The following WDR44 variants were observed in gnomAD, a reference collection of about 807,000 sequenced individuals.
The protein encoded by WDR44 is WD repeat-containing protein 44.
WDR44 carries 9 observed loss-of-function variants against 65.7 expected under a neutral mutation model. The observed-to-expected ratio is 0.14, with a 90% CI of 0.08 to 0.24. WDR44 has a LOEUF of 0.24. WDR44 is among the 10% of genes least tolerant of loss of function. WDR44 has a pLI of 1.00. For missense variants in WDR44, 425 were observed against 670.9 expected (o/e 0.63, Z 4.05); for synonymous variants, 220 against 235.2 (o/e 0.94, Z 0.59).
chrX:118,442,597 A>G lies in WDR44; in HGVS notation c.2301A>G (p.Arg767=). Residue 767 remains arginine, a synonymous_variant, in exon 17 of 20, where the codon AGA becomes AGG. Transcript: ENST00000254029. ...TAACCTCAAATGACTCCAGAATCAG[A>G]CTATATGATTTGAGAGATTTGTCAC... ...ILVTSNDSRI[R]LYDLRDLSLS... is the part of the protein sequence containing the mutation. The G allele has an allele frequency of 8.3e-7, 1 of 1,211,101 alleles. No homozygotes were observed. The highest frequency in any genetic ancestry group is 1.1e-6 in the Non-Finnish European group (1 of 894,999).
In WDR44 at chrX:118,436,983, G is replaced by C. The variant is rs187968491; in HGVS notation, c.1974+159G>C. On this transcript the variant is annotated intron_variant, in intron 14 of 19. Transcript: ENST00000254029. ...TTCATTTTGCTTTAGAAATGAGAAA[G>C]GAAATATTCTGCTGATCTGCATTAG... Among the ~76,000 whole-genome samples the C allele has an allele frequency of 2.9e-3, 280 of 96,331 alleles. 2 individuals carry two copies. Among genetic ancestry groups the C allele is most frequent in the African/African-American group, 0.011 (271 of 23,847 alleles). 83.7% of individuals were successfully genotyped at this position (96,331 alleles called of 115,157 possible).
intron 2 of WDR44, among the ~76,000 whole-genome samples, chrX:118,380,753 G>T (rs765575829): frequency 1.8e-5 from 2 of 111,966 alleles, no homozygotes; most frequent in African/African-American, 3.2e-5. Flanking sequence ...TAGAATAGAC[G>T]TGTTAACTGC....
intron 3 of WDR44, among the ~76,000 whole-genome samples, chrX:118,390,516 A>C (rs970351870): frequency 8.9e-6 from 1 of 111,926 alleles, no homozygotes; most frequent in African/African-American, 3.3e-5. Flanking sequence ...TAATAATAGA[A>C]GTGCAGAGGA....
chrX:118,378,541 CT>C (rs1302721694), intron 2 of WDR44, 89 bp downstream of exon 2: 19 of 912,054 alleles, frequency 2.1e-5, no homozygotes, highest in Non-Finnish European at 2.5e-5. Context: ...CTTGCTTTTG[CT>C]TTTTTTTACT....
At chrX:118,420,580 T>G (rs1056396158) in intron 12 of WDR44, among the ~76,000 whole-genome samples, 1 of 111,877 alleles carries the variant, frequency 8.9e-6, no homozygotes, top group Non-Finnish European at 1.9e-5. Flanking sequence ...TTGACGGCCC[T>G]TTATCTCCCC....
chrX:118,440,760 CCTT>C (rs1161681958), intron 14 of WDR44, among the ~76,000 whole-genome samples: 1 of 111,063 alleles, frequency 9.0e-6, no homozygotes, highest in East Asian at 2.8e-4. Context: ...GATCACAGAA[CCTT>C]CTTCCATGCA....
Position 118,346,114 on chromosome X carries a change from G to C in WDR44, c.-390G>C. Reference sequence around the variant, plus strand: ...GAGGGTAGGTGCGCGTCGGTATTTTGCGGGCAACTAGCTCTTCCAGCTGCT... The same window carrying C: ...GAGGGTAGGTGCGCGTCGGTATTTTCCGGGCAACTAGCTCTTCCAGCTGCT... On this transcript the variant is annotated 5_prime_UTR_variant, in exon 1 of 20. Transcript: ENST00000254029. 3.3e-6 allele frequency: 1 copy of C among 300,338 alleles called. No homozygotes were observed. Among genetic ancestry groups the C allele is most frequent in the Non-Finnish European group, 5.8e-6 (1 of 171,779 alleles). The allele number at this position is 300,338 out of a possible 1,213,427, so 24.8% of individuals were successfully genotyped here.
At chrX:118,378,348 A>G in intron 1 of WDR44, 71 bp from the exon 2 acceptor site, 1 of 854,833 alleles carries the variant, frequency 1.2e-6, no homozygotes, top group Non-Finnish European at 1.7e-6. Context: ...ACTTGTCTGT[A>G]GTAAGTGTAT....
intron 12 of WDR44, among the ~76,000 whole-genome samples, chrX:118,417,783 A>G (rs984613488): frequency 2.7e-5 from 3 of 112,025 alleles, no homozygotes; most frequent in South Asian, 7.4e-4. Flanking sequence ...ATGTTTTTCA[A>G]ACTTTCAGAC....
At chrX:118,413,489 T>TG (rs1569374871) in intron 12 of WDR44, among the ~76,000 whole-genome samples, 1 of 112,459 alleles carries the variant, frequency 8.9e-6, no homozygotes, top group Non-Finnish European at 1.9e-5. Flanking sequence ...TATATTTTTT[T>TG]GAGAATTGTC....
At chrX:118,355,407 A>T (rs182623633) in intron 1 of WDR44, among the ~76,000 whole-genome samples, 1 of 112,432 alleles carries the variant, frequency 8.9e-6, no homozygotes, top group East Asian at 2.8e-4. Context: ...CTTTAGTGTT[A>T]CAGGTGGTGC....
intron 1 of WDR44, among the ~76,000 whole-genome samples, chrX:118,352,342 ATATATATATATTTTT>A (rs1463280050): frequency 1.9e-4 from 4 of 21,088 alleles, no homozygotes; most frequent in East Asian, 2.5e-3. Flanking sequence ...ATATATATAT[ATATATATATATTTTT>A]TTTTTTTTTT....
intron 6 of WDR44, among the ~76,000 whole-genome samples, 172 bp downstream of exon 6, chrX:118,395,516 T>C (rs1408542692): frequency 8.9e-6 from 1 of 111,749 alleles, no homozygotes; most frequent in East Asian, 2.8e-4. Flanking sequence ...AATTTTATGT[T>C]ATGTGTAGTT....
intron 7 of WDR44, 136 bp downstream of exon 7, chrX:118,397,242 T>TGAAGAGCAAA: frequency 2.0e-6 from 1 of 499,985 alleles, no homozygotes; most frequent in Non-Finnish European, 3.0e-6. Context: ...AGTTAGATAA[T>TGAAGAGCAAA]GTATGTATTC....
intron 12 of WDR44, among the ~76,000 whole-genome samples, chrX:118,429,934 C>T (rs1378497757): frequency 2.7e-5 from 3 of 110,623 alleles, no homozygotes; most frequent in African/African-American, 9.9e-5. Context: ...TGAACCACCA[C>T]GCCTGGCCGA....
chrX:118,426,121 T>C (rs2147737530), intron 12 of WDR44, among the ~76,000 whole-genome samples: 1 of 111,995 alleles, frequency 8.9e-6, no homozygotes, highest in South Asian at 3.7e-4. Flanking sequence ...GTGGATTAGA[T>C]ATTAGATGAT....
Position 118,446,321 on chromosome X carries a change from C to G in WDR44, c.2647+1827C>G, listed in dbSNP as rs187816972. 1.3e-4 allele frequency among the ~76,000 whole-genome samples: 14 copies of G among 110,589 alleles called. No individual in the cohort carries two copies. The Admixed American group carries it at 1.4e-3, about 11-fold the overall frequency. ...ATATGGCAGGCGTTGTGGTATGTACCTGTAATCCCGGGTATTTGGGAGGCT... is the reference window on the plus strand; with the variant it reads ...ATATGGCAGGCGTTGTGGTATGTACGTGTAATCCCGGGTATTTGGGAGGCT... On this transcript the variant is annotated intron_variant, in intron 19 of 19. Coordinates refer to ENST00000254029, the MANE Select transcript of WDR44 (RefSeq NM_019045.5).
At chrX:118,446,967 TC>T in intron 19 of WDR44, 1 of 273,952 alleles carries the variant, frequency 3.7e-6, no homozygotes, top group East Asian at 1.1e-4. Flanking sequence ...ACTCCTGTGC[TC>T]AAGCAATCTT....
chrX:118,392,447 A>G lies in WDR44; in HGVS notation c.187-185A>G, dbSNP rs149123134. Among the ~76,000 whole-genome samples the G allele has an allele frequency of 4.5e-3, 505 of 112,101 alleles. 4 individuals carry two copies. The highest frequency in any genetic ancestry group is 0.016 in the African/African-American group (482 of 30,858). ...GTGACCTTGGACAAATCATTTGATT[A>G]GTTCCCTAATTTGTAAAATGGTGAC... is the stretch of plus-strand genomic sequence containing the variant. On this transcript the variant is annotated intron_variant, in intron 3 of 19. Coordinates refer to ENST00000254029, the MANE Select transcript of WDR44 (RefSeq NM_019045.5).
Sources: gnomAD v4.1 joint callset for allele counts (sites outside exome capture counted in the v4.1 genomes callset) on GRCh38, gnomAD v4.1.1 for gene constraint, MANE v1.5 for transcripts, NCBI Gene and HGNC (gene_info 2026-07-23, HGNC 2026-07-21) for gene names.